TEF: variants seen among roughly 807,000 people sequenced by gnomAD.
TEF encodes the protein TEF transcription factor, PAR bZIP family member.
Under a neutral mutation model 20.8 loss-of-function variants are expected in TEF, and 3 were observed. The ratio of observed to expected loss-of-function variants is 0.14; its 90% CI spans 0.07 to 0.37. TEF has a LOEUF of 0.37. Ranked by LOEUF, TEF falls within the 10% of genes least tolerant of loss-of-function variation. TEF has a pLI of 1.00. For synonymous variants in TEF, 180 were observed against 171.1 expected (o/e 1.05, Z -0.41); for missense variants, 296 against 397.9 (o/e 0.74, Z 2.18).
At chr22:41,392,929 C>T (rs146809238) in intron 2 of TEF, among the ~76,000 whole-genome samples, 1,594 of 151,778 alleles carry the variant, frequency 0.011, 39 homozygotes, top group Admixed American at 0.054. Context: ...CTCCACTACT[C>T]GGGAGGCTGA....
chr22:41,371,661 C>T (rs1192532310), intron 1 of TEF, among the ~76,000 whole-genome samples: 1 of 152,330 alleles, frequency 6.6e-6, no homozygotes, highest in South Asian at 2.1e-4. Flanking sequence ...TGGCGTCGTG[C>T]GTCTTCCACC....
chr22:41,395,940 A>G lies in TEF; in HGVS notation c.892A>G (p.Thr298Ala). ...KCKTIVSKYE[T>A]KYGPL ...CAAGACCATCGTGTCCAAGTATGAG[A>G]CCAAATACGGGCCCTTGTAACCCGT... Residue 298 changes from threonine (T) to alanine (A), a missense_variant, in exon 4 of 4, where the codon ACC (threonine) becomes GCC (alanine). Transcript: ENST00000266304. The G allele has an allele frequency of 6.2e-7, 1 of 1,613,192 alleles. No individual in the cohort carries two copies. The highest frequency in any genetic ancestry group is 8.5e-7 in the Non-Finnish European group (1 of 1,179,282).
At chr22:41,376,637 G>A (rs1202643560) in intron 1 of TEF, among the ~76,000 whole-genome samples, 1 of 152,146 alleles carries the variant, frequency 6.6e-6, no homozygotes, top group East Asian at 1.9e-4. Flanking sequence ...ATCCAATCTT[G>A]TCTGTAGCTT....
At position 41,382,164 on chromosome 22, in the gene TEF, G is replaced by A. The variant is rs985473752; in HGVS notation, c.120G>A (p.Lys40=). ...GLSGSFPLVL[K]KLMENPPREA... ...CGGGGTCCTTCCCCCTGGTCCTGAA[G>A]AAGCTGATGGAGAACCCCCCGCGCG... The change falls in exon 1 of 4, where the codon AAG becomes AAA. Residue 40 remains lysine (K), a synonymous_variant. Coordinates refer to ENST00000266304, the MANE Select transcript of TEF (RefSeq NM_003216.4). 10 of 1,239,136 alleles carry A rather than the reference G, an allele frequency of 8.1e-6. No homozygotes were observed. The highest frequency in any genetic ancestry group is 4.9e-4 in the Middle Eastern group (2 of 4,120). The allele number at this position is 1,239,136 out of a possible 1,614,324, so 76.8% of individuals were successfully genotyped here. A position where few individuals can be genotyped will look rare whatever the true frequency, so the allele number is the denominator to read the frequency against.
chr22:41,374,412 C>A (rs929576366), intron 1 of TEF, among the ~76,000 whole-genome samples: 1 of 151,908 alleles, frequency 6.6e-6, no homozygotes, highest in East Asian at 1.9e-4. Context: ...ATTAGCCGGG[C>A]GTGGTGGCGG....
intron 1 of TEF, among the ~76,000 whole-genome samples, chr22:41,375,231 C>CT (rs1569251745): frequency 6.6e-6 from 1 of 152,108 alleles, no homozygotes; most frequent in African/African-American, 2.4e-5. Flanking sequence ...AGAGTACTGA[C>CT]GAGGAGGGCA....
At position 41,369,903 on chromosome 22, in the gene TEF, G is replaced by C. The variant is rs12628225; in HGVS notation, c.67+2304G>C. The C allele has an allele frequency of 1.8e-4, 174 of 985,336 alleles. 4 individuals are homozygous for C. The East Asian group carries it at 0.016, about 93-fold the overall frequency. 61.0% of individuals were successfully genotyped at this position (985,336 alleles called of 1,614,324 possible). ...GTGGAAGGGGGCAGTTATCTCTTTG[G>C]ATGACTGTTTACAAACTCCCCATTT... On this transcript the variant is annotated intron_variant, in intron 1 of 3. Coordinates refer to the TEF transcript ENST00000406644.
At position 41,397,032 on chromosome 22, in the gene TEF, C is replaced by T. The variant is rs1044132740; in HGVS notation, c.*1072C>T. On this transcript the variant is annotated 3_prime_UTR_variant, in exon 4 of 4. Transcript: ENST00000266304. ...TGGCCTGGGCTGGAGTGCACTCTCCCTGGGGGCAGCTGGGGCCTCGCAATT... is the reference window on the plus strand; with the variant it reads ...TGGCCTGGGCTGGAGTGCACTCTCCTTGGGGGCAGCTGGGGCCTCGCAATT... The T allele has an allele frequency of 2.3e-5, 9 of 398,752 alleles. No individual in the cohort carries two copies. Among genetic ancestry groups the T allele is most frequent in the Non-Finnish European group, 4.0e-5 (9 of 226,322 alleles). The allele number at this position is 398,752 out of a possible 1,614,324, so 24.7% of individuals were successfully genotyped here. A position where few individuals can be genotyped will look rare whatever the true frequency, so the allele number is the denominator to read the frequency against.
rs1197007105 is a variant in TEF at position 41,397,829 on chromosome 22, G to C, written c.*1869G>C. ...GGCCTGGTGGATCACCAAGAGGGCGGTTCTCATTTTGTTATTAGTGGAAGA... is the reference window on the plus strand; with the variant it reads ...GGCCTGGTGGATCACCAAGAGGGCGCTTCTCATTTTGTTATTAGTGGAAGA... On this transcript the variant is annotated 3_prime_UTR_variant, in exon 4 of 4. Transcript: ENST00000266304. 6.6e-6 allele frequency: 1 copy of C among 152,218 alleles called. No homozygotes were observed. The highest frequency in any genetic ancestry group is 1.5e-5 in the Non-Finnish European group (1 of 68,038). The allele number at this position is 152,218 out of a possible 1,614,324, so 9.4% of individuals were successfully genotyped here. A position where few individuals can be genotyped will look rare whatever the true frequency, so the allele number is the denominator to read the frequency against.
At position 41,398,917 on chromosome 22, in the gene TEF, TACTCCAGAGCTCC is replaced by T. The variant is rs2145997126; in HGVS notation, c.*2958_*2970del. 1 of 152,806 alleles carries T rather than the reference TACTCCAGAGCTCC, an allele frequency of 6.5e-6. No individual in the cohort carries two copies. Among genetic ancestry groups the T allele is most frequent in the African/African-American group, 2.4e-5 (1 of 41,598 alleles). 9.5% of individuals were successfully genotyped at this position (152,806 alleles called of 1,614,324 possible). ...GCATCTGGTTTTCATGGCAAAGCTC[TACTCCAGAGCTCC>T]TTTAACATCTGCTAATTAAGTGCAA... is the stretch of plus-strand genomic sequence containing the variant. On this transcript the variant is annotated 3_prime_UTR_variant, in exon 4 of 4. Coordinates refer to ENST00000266304, the MANE Select transcript of TEF (RefSeq NM_003216.4).
Position 41,382,202 on chromosome 22 carries a change from G to A in TEF, c.157+1G>A. On this transcript the variant is annotated splice_donor_variant, in intron 1 of 3. Coordinates refer to ENST00000266304, the MANE Select transcript of TEF (RefSeq NM_003216.4). LOFTEE classifies it high-confidence loss of function. ...AACCCCCCGCGCGAGGCGCGCCTCG[G>A]TGAGGGCGGGGGGGTGGTCCGCGCG... 8.1e-7 allele frequency: 1 copy of A among 1,231,302 alleles called. No homozygotes were observed. The highest frequency in any genetic ancestry group is 1.0e-6 in the Non-Finnish European group (1 of 987,304). The allele number at this position is 1,231,302 out of a possible 1,614,324, so 76.3% of individuals were successfully genotyped here. A position where few individuals can be genotyped will look rare whatever the true frequency, so the allele number is the denominator to read the frequency against.
intron 1 of TEF, chr22:41,382,940 A>G (rs201164664): frequency 5.3e-5 from 25 of 470,908 alleles, no homozygotes; most frequent in Non-Finnish European, 1.0e-4. Context: ...ACTGAGCTTC[A>G]TCTTTTTGCC....
intron 2 of TEF, among the ~76,000 whole-genome samples, chr22:41,389,404 GAAAAA>G (rs918807867): frequency 6.9e-6 from 1 of 144,314 alleles, no homozygotes; most frequent in Non-Finnish European, 1.5e-5. Flanking sequence ...CCATCTCAAA[GAAAAA>G]AAAAGATCGA....
intron 2 of TEF, among the ~76,000 whole-genome samples, chr22:41,391,222 C>G (rs1221468797): frequency 6.6e-6 from 1 of 152,162 alleles, no homozygotes; most frequent in Admixed American, 6.6e-5. Context: ...TCCAGGTGTT[C>G]TATCTCAGGA....
intron 2 of TEF, among the ~76,000 whole-genome samples, chr22:41,390,397 G>C (rs965277899): frequency 3.3e-5 from 5 of 151,940 alleles, no homozygotes; most frequent in African/African-American, 1.2e-4. Flanking sequence ...TTTTGTAATG[G>C]TGGACCTATG....
rs1357841740 is a variant in TEF, at chr22:41,396,105, C to T, written c.*145C>T. On this transcript the variant is annotated 3_prime_UTR_variant, in exon 4 of 4. Coordinates refer to ENST00000266304, the MANE Select transcript of TEF (RefSeq NM_003216.4). ...TGCTGCAGGAGCGGCCACGTCTCAG[C>T]TTCATTATACCATGGCCTGCGCACG... is the stretch of plus-strand genomic sequence containing the variant. 2 of 847,184 alleles carry T rather than the reference C, an allele frequency of 2.4e-6. No homozygotes were observed. Among genetic ancestry groups the T allele is most frequent in the Non-Finnish European group, 3.6e-6 (2 of 554,304 alleles). 52.5% of individuals were successfully genotyped at this position (847,184 alleles called of 1,614,324 possible).
intron 1 of TEF, chr22:41,369,072 G>A (rs1445140253): frequency 1.0e-6 from 1 of 985,298 alleles, no homozygotes; most frequent in African/African-American, 1.7e-5. Context: ...CTCCCCCAAG[G>A]TGTCCCAGGA....
rs543444354 is a variant in TEF at position 41,375,876 on chromosome 22, A to G, written c.67+8277A>G. Among the ~76,000 whole-genome samples the G allele has an allele frequency of 2.0e-5, 3 of 152,326 alleles. No homozygotes were observed. In the East Asian group the frequency reaches 5.8e-4, roughly 29 times the overall value. ...AAAAAAGAGAAAAAAGTATATTTTT[A>G]CTGGGTTATTACCCTGAACAAAGCA... On this transcript the variant is annotated intron_variant, in intron 1 of 3. Transcript: ENST00000406644.
intron 2 of TEF, among the ~76,000 whole-genome samples, chr22:41,393,609 T>G (rs1017884730): frequency 6.6e-6 from 1 of 151,522 alleles, no homozygotes; most frequent in African/African-American, 2.4e-5. Context: ...ACAAAAAAAT[T>G]AGCCAGGCTT....
Sources: allele counts gnomAD v4.1 joint callset (sites outside exome capture counted in the v4.1 genomes callset), GRCh38; gene constraint gnomAD v4.1.1; transcripts MANE v1.5; gene names NCBI Gene and HGNC (gene_info 2026-07-23, HGNC 2026-07-21).